Variants in PLA2G4A observed in about 807,000 individuals in gnomAD.
PLA2G4A encodes cytosolic phospholipase A2.
A neutral mutation model predicts 81.9 loss-of-function variants in PLA2G4A; 40 were observed. The ratio of observed to expected loss-of-function variants is 0.49; its 90% CI spans 0.38 to 0.64. PLA2G4A has a LOEUF of 0.64. Among genes scored for constraint, PLA2G4A ranks in the 30% least tolerant of loss-of-function variants. PLA2G4A has a pLI of 0.00. For synonymous variants in PLA2G4A, 302 were observed against 296.9 expected (o/e 1.02, Z -0.18); for missense variants, 715 against 905.1 (o/e 0.79, Z 2.69).
intron 1 of PLA2G4A, among the ~76,000 whole-genome samples, chr1:186,830,396 GC>G (rs1007501945): frequency 2.0e-4 from 30 of 151,768 alleles, no homozygotes; most frequent in African/African-American, 6.3e-4. Context: ...TCACTTGAGG[GC>G]AGGAGTTCGA....
chr1:186,875,983 T>C (rs574670892), intron 3 of PLA2G4A, among the ~76,000 whole-genome samples: 2 of 152,208 alleles, frequency 1.3e-5, no homozygotes, highest in South Asian at 4.1e-4. Context: ...AATGAAAAAG[T>C]TTTTTTGAAT....
chr1:186,871,318 A>G (rs922350714), intron 3 of PLA2G4A, among the ~76,000 whole-genome samples: 9 of 152,196 alleles, frequency 5.9e-5, no homozygotes, highest in Non-Finnish European at 1.5e-5. Context: ...GTGGGAATAC[A>G]AATAACAATG....
intron 7 of PLA2G4A, among the ~76,000 whole-genome samples, chr1:186,913,909 T>C (rs1275744690): frequency 2.0e-5 from 3 of 151,946 alleles, no homozygotes; most frequent in African/African-American, 7.3e-5. Flanking sequence ...TAGGTGGGGG[T>C]AGGGTTCAAA....
intron 6 of PLA2G4A, 131 bp from the exon 7 acceptor site, chr1:186,911,117 C>T: frequency 1.3e-6 from 1 of 778,328 alleles, no homozygotes; most frequent in South Asian, 1.4e-5. Context: ...TAGGTCCCTT[C>T]TTAGGAAATG....
chr1:186,846,994 A>T (rs1652198649), intron 1 of PLA2G4A, among the ~76,000 whole-genome samples: 1 of 151,948 alleles, frequency 6.6e-6, no homozygotes, highest in African/African-American at 2.4e-5. Flanking sequence ...TTTTGCAATT[A>T]TTGTTGTATA....
At chr1:186,916,466 T>C (rs1306874610) in intron 7 of PLA2G4A, among the ~76,000 whole-genome samples, 1 of 152,196 alleles carries the variant, frequency 6.6e-6, no homozygotes, top group African/African-American at 2.4e-5. Context: ...CATATAGCCT[T>C]TTTCCCAACT....
intron 6 of PLA2G4A, among the ~76,000 whole-genome samples, chr1:186,908,647 GATAA>G (rs968352226): frequency 3.0e-4 from 45 of 151,872 alleles, no homozygotes; most frequent in African/African-American, 1.1e-3. Flanking sequence ...AATATTTATG[GATAA>G]ATAGATTATA....
chr1:186,892,258 A>G (rs1654171985), intron 3 of PLA2G4A, among the ~76,000 whole-genome samples: 1 of 151,060 alleles, frequency 6.6e-6, no homozygotes, highest in Admixed American at 6.6e-5. Context: ...CATTTTGTTG[A>G]TTTTTTTTCC....
chr1:186,837,597 C>A (rs1445854781), intron 1 of PLA2G4A, among the ~76,000 whole-genome samples: 1 of 149,808 alleles, frequency 6.7e-6, no homozygotes, highest in Non-Finnish European at 1.5e-5. Flanking sequence ...ATTAGCCGGG[C>A]GTGGTGGCGG....
At chr1:186,922,173 A>T (rs141816318) in intron 7 of PLA2G4A, among the ~76,000 whole-genome samples, 25 of 152,238 alleles carry the variant, frequency 1.6e-4, no homozygotes, top group African/African-American at 6.0e-4. Flanking sequence ...ACACATCACA[A>T]AACAAAGAAC....
chr1:186,870,621 TTA>T (rs1653226181), intron 3 of PLA2G4A, 105 bp downstream of exon 3: 5 of 1,172,782 alleles, frequency 4.3e-6, no homozygotes, highest in Non-Finnish European at 5.0e-6. Flanking sequence ...TCAAATGTGG[TTA>T]TGTTTGTCTA....
At chr1:186,853,466 A>T (rs1652448257) in intron 1 of PLA2G4A, among the ~76,000 whole-genome samples, 1 of 151,908 alleles carries the variant, frequency 6.6e-6, no homozygotes, top group Non-Finnish European at 1.5e-5. Context: ...GATCACTAAA[A>T]ATTTAAAACG....
intron 3 of PLA2G4A, among the ~76,000 whole-genome samples, chr1:186,872,288 C>T (rs559629107): frequency 1.3e-5 from 2 of 152,070 alleles, no homozygotes; most frequent in Non-Finnish European, 2.9e-5. Context: ...AAGGCCCCTG[C>T]GAAAGAGAAG....
intron 3 of PLA2G4A, among the ~76,000 whole-genome samples, chr1:186,886,923 C>G (rs1226831626): frequency 1.3e-5 from 2 of 152,104 alleles, no homozygotes; most frequent in East Asian, 3.9e-4. Flanking sequence ...ATACCTTAAG[C>G]CCCTGTTCTT....
chr1:186,893,919 A>C (rs1306447492), intron 4 of PLA2G4A, among the ~76,000 whole-genome samples, 179 bp from the exon 5 acceptor site: 1 of 16,824 alleles, frequency 5.9e-5, no homozygotes, highest in Non-Finnish European at 4.6e-4. Flanking sequence ...ACCCTGTCTC[A>C]AAAAAAAAAA....
chr1:186,898,461 T>C (rs890004158), intron 5 of PLA2G4A, among the ~76,000 whole-genome samples: 3 of 152,164 alleles, frequency 2.0e-5, no homozygotes, highest in Non-Finnish European at 2.9e-5. Context: ...CTGTGAACTC[T>C]CTAGGGAGCT....
chr1:186,847,372 G>A lies in PLA2G4A; in HGVS notation c.-69-6914G>A, dbSNP rs184184445. On this transcript the variant is annotated intron_variant, in intron 1 of 17. Coordinates refer to ENST00000367466, the MANE Select transcript of PLA2G4A (RefSeq NM_024420.3). ...TTATTTCATACGTGTGTGTGTGTGT[G>A]TGTGTGTGTGTGTGTCTATAGTTGT... Among the ~76,000 whole-genome samples the A allele has an allele frequency of 4.6e-5, 7 of 151,796 alleles. No homozygotes were observed. In the East Asian group the frequency reaches 9.7e-4, roughly 21 times the overall value.
chr1:186,835,819 T>C (rs1651758116), intron 1 of PLA2G4A, among the ~76,000 whole-genome samples: 1 of 152,242 alleles, frequency 6.6e-6, no homozygotes, highest in Admixed American at 6.5e-5. Flanking sequence ...CAGCAGCGAT[T>C]CTAATTTAAA....
At chr1:186,917,677 T>G (rs913728871) in intron 7 of PLA2G4A, among the ~76,000 whole-genome samples, 1 of 152,154 alleles carries the variant, frequency 6.6e-6, no homozygotes, top group Admixed American at 6.5e-5. Context: ...GAGAAGCACA[T>G]GGGTTACCTT....
Sources: gnomAD v4.1 joint callset for allele counts (sites outside exome capture counted in the v4.1 genomes callset) on GRCh38, gnomAD v4.1.1 for gene constraint, MANE v1.5 for transcripts, NCBI Gene and HGNC (gene_info 2026-07-23, HGNC 2026-07-21) for gene names.